The following SNTG1 variants were observed in gnomAD, a reference collection of about 807,000 sequenced individuals.
SNTG1 encodes syntrophin gamma 1.
Under a neutral mutation model 74.7 loss-of-function variants are expected in SNTG1, and 39 were observed. The observed-to-expected ratio is 0.52, with a 90% CI of 0.40 to 0.68. The LOEUF is 0.68. Among genes scored for constraint, SNTG1 ranks in the 30% least tolerant of loss-of-function variants. The pLI is 0.00. For missense variants in SNTG1, 685 were observed against 609.5 expected (o/e 1.12, Z -1.30); for synonymous variants, 254 against 217.1 (o/e 1.17, Z -1.49).
At chr8:49,999,144 G>A (rs1159789361) in intron 1 of SNTG1, among the ~76,000 whole-genome samples, 2 of 152,124 alleles carry the variant, frequency 1.3e-5, no homozygotes, top group Non-Finnish European at 2.9e-5. Context: ...GTAGTTCAAC[G>A]TAGATCCTCA....
intron 1 of SNTG1, among the ~76,000 whole-genome samples, chr8:49,923,812 T>C (rs888364507): frequency 6.6e-6 from 1 of 152,196 alleles, no homozygotes; most frequent in Non-Finnish European, 1.5e-5. Context: ...GGCAGTGTTT[T>C]GAACAAGGAG....
At chr8:50,196,364 G>A (rs1304349123) in intron 2 of SNTG1, among the ~76,000 whole-genome samples, 2 of 152,136 alleles carry the variant, frequency 1.3e-5, no homozygotes, top group African/African-American at 2.4e-5. Flanking sequence ...GAAATGATTT[G>A]TGAAAACTGC....
intron 1 of SNTG1, among the ~76,000 whole-genome samples, chr8:50,107,361 T>C (rs561800508): frequency 5.3e-5 from 8 of 152,040 alleles, no homozygotes; most frequent in Middle Eastern, 3.4e-3. Context: ...TAAAAGAAAA[T>C]AGATTGAAAG....
At chr8:50,015,126 T>C (rs1816194517) in intron 1 of SNTG1, among the ~76,000 whole-genome samples, 2 of 151,764 alleles carry the variant, frequency 1.3e-5, no homozygotes, top group South Asian at 2.1e-4. Flanking sequence ...GGAAACCATG[T>C]TGAAATAATT....
intron 2 of SNTG1, among the ~76,000 whole-genome samples, chr8:50,314,232 C>T (rs1212536384): frequency 1.3e-5 from 2 of 148,968 alleles, no homozygotes; most frequent in Non-Finnish European, 2.9e-5. Flanking sequence ...TTCATCTTTA[C>T]TCCCTCATAC....
At chr8:49,946,914 G>T (rs532554089) in intron 1 of SNTG1, among the ~76,000 whole-genome samples, 79 of 152,242 alleles carry the variant, frequency 5.2e-4, no homozygotes, top group Non-Finnish European at 9.6e-4. Flanking sequence ...TATTTTCAAT[G>T]ATTATATTAG....
chr8:50,280,001 T>A (rs2088347553), intron 2 of SNTG1, among the ~76,000 whole-genome samples: 1 of 152,160 alleles, frequency 6.6e-6, no homozygotes, highest in South Asian at 2.1e-4. Flanking sequence ...TACAAAAGGG[T>A]AACTTCTACT....
At position 50,786,821 on chromosome 8, in the gene SNTG1, C is replaced by A. The variant is rs544176046; in HGVS notation, c.1396-5850C>A. 3.2e-3 allele frequency among the ~76,000 whole-genome samples: 487 copies of A among 151,938 alleles called. 3 individuals carry two copies. Among genetic ancestry groups the A allele is most frequent in the African/African-American group, 0.011 (458 of 41,490 alleles). Reference sequence around the variant, plus strand: ...AATTAAGTTGAGTCCTTTCCTCATACCATAAAAAATTACTTAAAAATGAAT... The same window carrying A: ...AATTAAGTTGAGTCCTTTCCTCATAACATAAAAAATTACTTAAAAATGAAT... On this transcript the variant is annotated intron_variant, in intron 18 of 18. Coordinates refer to ENST00000642720, the MANE Select transcript of SNTG1 (RefSeq NM_018967.5).
At chr8:50,248,303 T>C (rs2086491153) in intron 2 of SNTG1, among the ~76,000 whole-genome samples, 1 of 152,170 alleles carries the variant, frequency 6.6e-6, no homozygotes, top group South Asian at 2.1e-4. Flanking sequence ...TTGATAACTA[T>C]AAAGCCTTCT....
At chr8:50,781,786 T>G (rs1348141129) in intron 18 of SNTG1, among the ~76,000 whole-genome samples, 1 of 152,230 alleles carries the variant, frequency 6.6e-6, no homozygotes, top group Non-Finnish European at 1.5e-5. Flanking sequence ...GTTGATGCAG[T>G]TTCTTCCTAG....
At chr8:50,024,355 T>C (rs1345707096) in intron 1 of SNTG1, among the ~76,000 whole-genome samples, 2 of 152,144 alleles carry the variant, frequency 1.3e-5, no homozygotes, top group African/African-American at 4.8e-5. Flanking sequence ...AATAATTATA[T>C]AACTTCAGAG....
At chr8:50,174,358 TG>T (rs1208046402) in intron 2 of SNTG1, among the ~76,000 whole-genome samples, 5 of 152,202 alleles carry the variant, frequency 3.3e-5, no homozygotes, top group Admixed American at 6.5e-5. Flanking sequence ...TACCCAGTAA[TG>T]GGATTGCTGG....
intron 1 of SNTG1, among the ~76,000 whole-genome samples, chr8:50,065,148 T>C (rs549121918): frequency 1.3e-5 from 2 of 152,318 alleles, no homozygotes; most frequent in African/African-American, 4.8e-5. Flanking sequence ...ATATCATGAG[T>C]CAATAAAATA....
At chr8:50,476,857 G>GACACACAGACAC (rs1554540525) in intron 8 of SNTG1, among the ~76,000 whole-genome samples, 2 of 145,862 alleles carry the variant, frequency 1.4e-5, no homozygotes, top group African/African-American at 5.1e-5. Context: ...GACACACACA[G>GACACACAGACAC]ACACACACAC....
chr8:49,990,687 G>T (rs755505714), intron 1 of SNTG1, among the ~76,000 whole-genome samples: 6 of 152,010 alleles, frequency 3.9e-5, no homozygotes, highest in Non-Finnish European at 8.8e-5. Context: ...TTCAATTTGT[G>T]CACAGGCATT....
At chr8:50,320,145 T>G (rs62515930) in intron 2 of SNTG1, among the ~76,000 whole-genome samples, 71,948 of 152,000 alleles carry the variant, frequency 0.47, 19,445 homozygotes, top group East Asian at 0.83. Context: ...GGTTCTGGAC[T>G]TTTCTTTACT....
At chr8:50,386,449 GA>G (rs2092575404) in intron 2 of SNTG1, among the ~76,000 whole-genome samples, 1 of 151,492 alleles carries the variant, frequency 6.6e-6, no homozygotes, top group Non-Finnish European at 1.5e-5. Flanking sequence ...CTGGGAGCAA[GA>G]TTAACAACAT....
intron 1 of SNTG1, among the ~76,000 whole-genome samples, chr8:50,164,581 G>A (rs567287212): frequency 2.6e-5 from 4 of 152,198 alleles, no homozygotes; most frequent in Admixed American, 6.5e-5. Flanking sequence ...CTCTTTTTGT[G>A]CATACAACAT....
intron 12 of SNTG1, 38 bp from the exon 13 acceptor site, chr8:50,590,841 T>C: frequency 7.2e-7 from 1 of 1,380,822 alleles, no homozygotes; most frequent in South Asian, 1.3e-5. Flanking sequence ...TTACCATCTA[T>C]TGTTCTTCTC....
Sources: allele counts gnomAD v4.1 joint callset (sites outside exome capture counted in the v4.1 genomes callset), GRCh38; gene constraint gnomAD v4.1.1; transcripts MANE v1.5; gene names NCBI Gene and HGNC (gene_info 2026-07-23, HGNC 2026-07-21).